FAN1: variants seen among roughly 807,000 people sequenced by gnomAD.
The protein encoded by FAN1 is fanconi-associated nuclease 1.
FAN1 carries 91 observed loss-of-function variants against 104.9 expected under a neutral mutation model. That is an observed-to-expected ratio of 0.87 (90% CI 0.73 to 1.03). The LOEUF is 1.03. Ranked by LOEUF, FAN1 falls within the 50% of genes least tolerant of loss-of-function variation. The pLI is 0.00. For synonymous variants in FAN1, 478 were observed against 457.6 expected (o/e 1.04, Z -0.57); for missense variants, 1,263 against 1,239.9 (o/e 1.02, Z -0.28).
intron 7 of FAN1, among the ~76,000 whole-genome samples, chr15:30,921,855 G>T (rs1030820482): frequency 2.6e-5 from 4 of 152,170 alleles, no homozygotes; most frequent in Non-Finnish European, 5.9e-5. Context: ...TCTTGCAGTT[G>T]GTCCTGTGAC....
intron 12 of FAN1, 54 bp downstream of exon 12, chr15:30,929,451 T>A (rs2062557429): frequency 1.4e-6 from 2 of 1,430,596 alleles, no homozygotes; most frequent in East Asian, 4.8e-5. Context: ...ACCGCCCCAG[T>A]GCTGTCTTTT....
In FAN1 at chr15:30,918,237, G is replaced by A. The variant is rs757536391; in HGVS notation, c.1885G>A (p.Glu629Lys). The A allele has an allele frequency of 6.2e-7, 1 of 1,614,100 alleles. No individual in the cohort carries two copies. The highest frequency in any genetic ancestry group is 2.2e-5 in the East Asian group (1 of 44,886). ...MANGNWEEAK[E>K]LAQCAKRDWN... is the part of the protein sequence containing the mutation. ...CAATGGGAACTGGGAAGAAGCTAAG[G>A]AGCTCGCTCAGTGTGCAAAAAGGGA... Residue 629 changes from glutamate to lysine, a missense_variant, in exon 6 of 15, where the codon GAG (glutamate) becomes AAG (lysine). By Grantham distance (56) the Glu-to-Lys change is moderately conservative. Around this residue, in one of 2 missense-constraint regions of FAN1, gnomAD observed 581 missense variants for 668.8 expected, o/e 0.87. Transcript: ENST00000362065.
chr15:30,921,165 G>A (rs936928845), intron 7 of FAN1, among the ~76,000 whole-genome samples: 2 of 152,158 alleles, frequency 1.3e-5, no homozygotes, highest in Non-Finnish European at 2.9e-5. Context: ...GAGAAGATAG[G>A]TGAAGATGGA....
intron 8 of FAN1, 108 bp from the exon 9 acceptor site, chr15:30,925,019 A>T (rs1193211402): frequency 1.7e-6 from 2 of 1,182,172 alleles, no homozygotes; most frequent in East Asian, 2.4e-5. Context: ...CTCATTTGCT[A>T]ATCAGCAAAA....
intron 8 of FAN1, among the ~76,000 whole-genome samples, 185 bp from the exon 9 acceptor site, chr15:30,924,942 C>T (rs1316276168): frequency 1.3e-5 from 2 of 152,170 alleles, no homozygotes; most frequent in Admixed American, 1.3e-4. Context: ...GCTCTGGTTG[C>T]CAGATGCATT....
chr15:30,925,047 G>T, intron 8 of FAN1, 80 bp from the exon 9 acceptor site: 1 of 1,435,968 alleles, frequency 7.0e-7, no homozygotes, highest in Non-Finnish European at 9.5e-7. Context: ...ATAAACAGTG[G>T]GCTTTTCTGT....
intron 4 of FAN1, chr15:30,911,145 A>G: frequency 9.3e-7 from 1 of 1,070,638 alleles, no homozygotes; most frequent in Non-Finnish European, 1.1e-6. Context: ...TCAAATTTTT[A>G]TTTTAGTTTT....
At chr15:30,911,699 C>G (rs1366613176) in intron 4 of FAN1, 2 of 901,398 alleles carry the variant, frequency 2.2e-6, no homozygotes, top group Non-Finnish European at 2.7e-6. Context: ...CTTTCTTTAT[C>G]TAATTGTATT....
At chr15:30,912,328 A>G (rs1187009438) in intron 4 of FAN1, among the ~76,000 whole-genome samples, 1 of 152,190 alleles carries the variant, frequency 6.6e-6, no homozygotes, top group Non-Finnish European at 1.5e-5. Flanking sequence ...CTCTGCTGTT[A>G]TGATAAAGAA....
chr15:30,939,485 C>T (rs987208080), intron 14 of FAN1: 2 of 984,984 alleles, frequency 2.0e-6, no homozygotes, highest in Non-Finnish European at 2.4e-6. Flanking sequence ...TCATATTATG[C>T]ACAATAAACT....
intron 4 of FAN1, among the ~76,000 whole-genome samples, chr15:30,912,061 CAAA>C (rs34122129): frequency 0.18 from 24,372 of 133,564 alleles, 1,968 homozygotes; most frequent in Admixed American, 0.22. Context: ...GACTCCATCT[CAAA>C]AAAAAAAAAA....
Position 30,904,821 on chromosome 15 carries a change from GAT to G in FAN1, c.161_162del (p.Tyr54Ter). ...CCCGTTTGCAGTAAAATGGTGCCTAGATATGACTTAAACCGGCACCTTGATGA... is the reference window on the plus strand; with the variant it reads ...CCCGTTTGCAGTAAAATGGTGCCTAGATGACTTAAACCGGCACCTTGATGA... On this transcript the variant is annotated frameshift_variant, in exon 2 of 15. Transcript: ENST00000362065. LOFTEE classifies it high-confidence loss of function. 7 of 1,613,524 alleles carry G rather than the reference GAT, an allele frequency of 4.3e-6. No homozygotes were observed. Among genetic ancestry groups the G allele is most frequent in the Non-Finnish European group, 5.9e-6 (7 of 1,179,476 alleles).
chr15:30,929,366 G>C lies in FAN1; in HGVS notation c.2756G>C (p.Trp919Ser). The C allele has an allele frequency of 6.2e-7, 1 of 1,611,304 alleles. No individual in the cohort carries two copies. Among genetic ancestry groups the C allele is most frequent in the Non-Finnish European group, 8.5e-7 (1 of 1,178,886 alleles). ...GGCAGAGTGGCTTCCCTTGTCAGCTGGGATCGCTTCACGTCTCTTCAGCAA... is the reference window on the plus strand; with the variant it reads ...GGCAGAGTGGCTTCCCTTGTCAGCTCGGATCGCTTCACGTCTCTTCAGCAA... ...QEGRVASLVS[W>S]DRFTSLQQAQ... The change falls in exon 12 of 15, where the codon TGG (tryptophan) becomes TCG (serine). Residue 919 changes from tryptophan to serine, a missense_variant. Transcript: ENST00000362065.
intron 5 of FAN1, 71 bp from the exon 6 acceptor site, chr15:30,918,093 A>G (rs2062232545): frequency 6.8e-7 from 1 of 1,472,618 alleles, no homozygotes. Flanking sequence ...AGTGAGATCT[A>G]GTGGCTAGGA....
chr15:30,927,717 G>C, intron 10 of FAN1: 1 of 985,638 alleles, frequency 1.0e-6, no homozygotes, highest in South Asian at 4.7e-5. Flanking sequence ...GTGGGGAGAG[G>C]CATCCATGTG....
At chr15:30,928,227 G>A in intron 10 of FAN1, 1 of 1,064,634 alleles carries the variant, frequency 9.4e-7, no homozygotes, top group Non-Finnish European at 1.1e-6. Context: ...CCTGAGGAGG[G>A]TATCTGCCTA....
intron 6 of FAN1, among the ~76,000 whole-genome samples, chr15:30,919,241 C>G (rs1404732675): frequency 6.6e-6 from 1 of 151,164 alleles, no homozygotes; most frequent in Admixed American, 6.6e-5. Context: ...TTAGCCAGGC[C>G]TGGTGGTGCC....
At chr15:30,938,246 G>A (rs1355960671) in intron 14 of FAN1, among the ~76,000 whole-genome samples, 1 of 152,026 alleles carries the variant, frequency 6.6e-6, no homozygotes, top group East Asian at 1.9e-4. Flanking sequence ...AATTATATGG[G>A]AAACCGAGAT....
At chr15:30,929,103 C>A in intron 11 of FAN1, 100 bp from the exon 12 acceptor site, 2 of 943,478 alleles carry the variant, frequency 2.1e-6, no homozygotes, top group Non-Finnish European at 3.2e-6. Flanking sequence ...AAGAATGTAT[C>A]GGTTGGCCGG....
Sources: gnomAD v4.1 joint callset for allele counts (sites outside exome capture counted in the v4.1 genomes callset) on GRCh38, gnomAD v4.1.1 for gene constraint, gnomAD v4.1.1 regional missense constraint, MANE v1.5 for transcripts, NCBI Gene and HGNC (gene_info 2026-07-23, HGNC 2026-07-21) for gene names.